AGBL4: variants seen among roughly 807,000 people sequenced by gnomAD.
The protein encoded by AGBL4 is AGBL carboxypeptidase 4.
In AGBL4, 58 loss-of-function variants were observed where a neutral mutation model predicts 66.4. That is an observed-to-expected ratio of 0.87 (90% CI 0.71 to 1.09). The LOEUF (loss-of-function observed/expected upper bound fraction) is 1.09. Ranked by LOEUF, AGBL4 falls within the 50% of genes least tolerant of loss-of-function variation. The pLI is 0.00. For synonymous variants in AGBL4, 234 were observed against 222.9 expected (o/e 1.05, Z -0.44); for missense variants, 579 against 631.0 (o/e 0.92, Z 0.88).
At chr1:49,890,386 G>A (rs6588367) in intron 1 of AGBL4, among the ~76,000 whole-genome samples, 64 of 151,934 alleles carry the variant, frequency 4.2e-4, no homozygotes, top group African/African-American at 1.5e-3. Flanking sequence ...ACTCATTCAG[G>A]GGCCCTTGCA....
intron 6 of AGBL4, among the ~76,000 whole-genome samples, chr1:48,788,041 C>T (rs948057848): frequency 1.3e-5 from 2 of 152,202 alleles, no homozygotes; most frequent in African/African-American, 4.8e-5. Context: ...AGTGCACAGG[C>T]TTTTAACTCA....
intron 1 of AGBL4, among the ~76,000 whole-genome samples, chr1:49,867,375 A>T (rs948370208): frequency 1.3e-5 from 2 of 151,022 alleles, no homozygotes; most frequent in Non-Finnish European, 1.5e-5. Flanking sequence ...GTTCTAGGGT[A>T]CATGTGCACA....
intron 9 of AGBL4, among the ~76,000 whole-genome samples, chr1:48,617,287 A>G (rs956796922): frequency 1.3e-5 from 2 of 152,184 alleles, no homozygotes; most frequent in African/African-American, 4.8e-5. Flanking sequence ...ACATTTTGTC[A>G]TTTTTAACAA....
intron 2 of AGBL4, among the ~76,000 whole-genome samples, chr1:49,788,607 G>A (rs1644517960): frequency 6.6e-6 from 1 of 151,952 alleles, no homozygotes; most frequent in African/African-American, 2.4e-5. Context: ...GGAAATTATA[G>A]ACCTAAAACT....
chr1:48,713,479 A>C (rs972555018), intron 6 of AGBL4, among the ~76,000 whole-genome samples: 2 of 152,208 alleles, frequency 1.3e-5, no homozygotes, highest in African/African-American at 4.8e-5. Context: ...AGCACAGAGC[A>C]GCTCTGGCAC....
intron 3 of AGBL4, among the ~76,000 whole-genome samples, chr1:49,563,641 G>T (rs1222942881): frequency 6.6e-6 from 1 of 152,152 alleles, no homozygotes; most frequent in Admixed American, 6.5e-5. Flanking sequence ...AACCAGCCTT[G>T]CATCCCAGGG....
At chr1:50,007,626 G>T (rs989344665) in intron 1 of AGBL4, among the ~76,000 whole-genome samples, 3 of 152,100 alleles carry the variant, frequency 2.0e-5, no homozygotes, top group Non-Finnish European at 4.4e-5. Flanking sequence ...GAAAAGCTGG[G>T]TGTGGAAGCA....
chr1:50,023,283 G>T (rs942160250), intron 1 of AGBL4, among the ~76,000 whole-genome samples: 2 of 152,054 alleles, frequency 1.3e-5, no homozygotes, highest in African/African-American at 4.8e-5. Context: ...CCCTTCCATG[G>T]CACTGTCTGA....
chr1:49,176,677 T>C (rs1382032727), intron 4 of AGBL4, among the ~76,000 whole-genome samples: 1 of 152,160 alleles, frequency 6.6e-6, no homozygotes, highest in African/African-American at 2.4e-5. Context: ...TTTCTCAAGA[T>C]AAATTCATAA....
intron 3 of AGBL4, among the ~76,000 whole-genome samples, chr1:49,549,522 T>G (rs1029511768): frequency 6.6e-6 from 1 of 152,190 alleles, no homozygotes; most frequent in African/African-American, 2.4e-5. Flanking sequence ...ATCTCCACCT[T>G]GATTTTGTTT....
chr1:49,919,054 TC>T (rs1237811431), intron 1 of AGBL4, among the ~76,000 whole-genome samples: 2 of 152,204 alleles, frequency 1.3e-5, no homozygotes, highest in African/African-American at 4.8e-5. Context: ...TAAAAAACTC[TC>T]AATAAATTCG....
chr1:48,559,926 G>A (rs1361227234), intron 11 of AGBL4, among the ~76,000 whole-genome samples: 2 of 152,104 alleles, frequency 1.3e-5, no homozygotes, highest in Admixed American at 6.6e-5. Flanking sequence ...GTGGACATTT[G>A]TTTAATAACT....
chr1:49,677,537 T>C (rs1646604424), intron 3 of AGBL4, among the ~76,000 whole-genome samples: 1 of 152,126 alleles, frequency 6.6e-6, no homozygotes, highest in African/African-American at 2.4e-5. Context: ...CATATTGGTC[T>C]GTAGTTTTAT....
At chr1:48,754,718 A>C (rs1652267060) in intron 6 of AGBL4, among the ~76,000 whole-genome samples, 1 of 152,194 alleles carries the variant, frequency 6.6e-6, no homozygotes, top group African/African-American at 2.4e-5. Flanking sequence ...CCCATCAGAA[A>C]GGGTTGTTTA....
chr1:49,063,138 G>C (rs1376184106), intron 4 of AGBL4, among the ~76,000 whole-genome samples: 6 of 151,920 alleles, frequency 3.9e-5, no homozygotes, highest in Non-Finnish European at 7.4e-5. Flanking sequence ...TTTCATATAA[G>C]AAAAGCATAA....
intron 1 of AGBL4, among the ~76,000 whole-genome samples, chr1:49,982,781 C>T (rs1237560740): frequency 6.6e-6 from 1 of 152,168 alleles, no homozygotes; most frequent in East Asian, 1.9e-4. Flanking sequence ...AGGGGCTACC[C>T]ACTCCAGGGT....
chr1:48,673,834 A>T (rs1428064807), intron 6 of AGBL4, among the ~76,000 whole-genome samples: 1 of 152,222 alleles, frequency 6.6e-6, no homozygotes, highest in Non-Finnish European at 1.5e-5. Context: ...TTTATGAAGC[A>T]TTCAGGTACT....
intron 6 of AGBL4, among the ~76,000 whole-genome samples, chr1:48,695,643 G>C (rs1646702685): frequency 6.6e-6 from 1 of 152,072 alleles, no homozygotes; most frequent in Admixed American, 6.6e-5. Context: ...ACAGATGTCA[G>C]AAAGGTGGCT....
At chr1:49,884,497 T>C (rs1647802482) in intron 1 of AGBL4, among the ~76,000 whole-genome samples, 1 of 151,904 alleles carries the variant, frequency 6.6e-6, no homozygotes, top group Non-Finnish European at 1.5e-5. Flanking sequence ...AAAGAAATAA[T>C]TTAAATTGAA....
Sources: gnomAD v4.1 joint callset for allele counts (sites outside exome capture counted in the v4.1 genomes callset) on GRCh38, gnomAD v4.1.1 for gene constraint, MANE v1.5 for transcripts, NCBI Gene and HGNC (gene_info 2026-07-23, HGNC 2026-07-21) for gene names.